SEMA3A: variants seen among roughly 807,000 people sequenced by gnomAD.
The protein encoded by SEMA3A is semaphorin-3A.
SEMA3A carries 29 observed loss-of-function variants against 97.9 expected under a neutral mutation model. The ratio of observed to expected loss-of-function variants is 0.30; its 90% CI spans 0.22 to 0.40. SEMA3A has a LOEUF of 0.40. Ranked by LOEUF, SEMA3A falls within the 10% of genes least tolerant of loss-of-function variation. SEMA3A has a pLI of 1.00. For missense variants in SEMA3A, 763 were observed against 951.3 expected (o/e 0.80, Z 2.60); for synonymous variants, 321 against 323.7 (o/e 0.99, Z 0.09).
chr7:84,009,917 A>AAC (rs1554393287), intron 9 of SEMA3A, among the ~76,000 whole-genome samples: 8 of 149,428 alleles, frequency 5.4e-5, no homozygotes, highest in African/African-American at 1.3e-4. Context: ...AAAAAAAAAA[A>AAC]AAAAAAAAAA....
intron 3 of SEMA3A, among the ~76,000 whole-genome samples, chr7:84,119,206 T>C (rs751618925): frequency 6.6e-6 from 1 of 152,178 alleles, no homozygotes. Context: ...ACATATGGAA[T>C]AAACACATGC....
intron 1 of SEMA3A, among the ~76,000 whole-genome samples, chr7:84,441,050 G>A (rs1805260573): frequency 6.6e-6 from 1 of 151,886 alleles, no homozygotes; most frequent in South Asian, 2.1e-4. Flanking sequence ...CCCAGCTACT[G>A]GAGAGGCTGA....
intron 3 of SEMA3A, among the ~76,000 whole-genome samples, chr7:84,220,980 T>C (rs1427304417): frequency 6.6e-6 from 1 of 152,162 alleles, no homozygotes; most frequent in Non-Finnish European, 1.5e-5. Flanking sequence ...TCCCTAGCTA[T>C]CAAAATCTTG....
In SEMA3A at chr7:84,305,969, T is replaced by C. The variant is rs139585461; in HGVS notation, c.-83+1238A>G. ...ATTTATATATACATGTGTGTATATA[T>C]GTATGTATAAATGTACATGTATGTA... On this transcript the variant is annotated intron_variant, in intron 3 of 3. Transcript: ENST00000424555. Among the ~76,000 whole-genome samples, 123 of 151,780 alleles carry C rather than the reference T, an allele frequency of 8.1e-4. 2 individuals carry two copies. In the East Asian group the frequency reaches 0.022, roughly 27 times the overall value.
At chr7:84,336,086 A>G (rs1408079070) in intron 2 of SEMA3A, among the ~76,000 whole-genome samples, 1 of 152,162 alleles carries the variant, frequency 6.6e-6, no homozygotes, top group Non-Finnish European at 1.5e-5. Context: ...ATCTTCTTTA[A>G]AAAATATCAG....
At chr7:84,380,437 T>A (rs1320023993) in intron 1 of SEMA3A, among the ~76,000 whole-genome samples, 1 of 152,186 alleles carries the variant, frequency 6.6e-6, no homozygotes, top group Non-Finnish European at 1.5e-5. Flanking sequence ...TGATATGGGT[T>A]ACAGGAAAAC....
intron 3 of SEMA3A, among the ~76,000 whole-genome samples, chr7:84,299,272 ATCTCCATATATATATC>A (rs1800942243): frequency 7.2e-6 from 1 of 139,076 alleles, no homozygotes; most frequent in African/African-American, 2.7e-5. Flanking sequence ...CCATATATAT[ATCTCCATATATATATC>A]TATCTCCATA....
chr7:84,435,030 A>C (rs1036504009), intron 1 of SEMA3A, among the ~76,000 whole-genome samples: 1 of 152,164 alleles, frequency 6.6e-6, no homozygotes, highest in African/African-American at 2.4e-5. Flanking sequence ...AGACAAATAA[A>C]TAAAAGGCAT....
chr7:84,203,598 C>T (rs1196793606), intron 3 of SEMA3A, among the ~76,000 whole-genome samples: 5 of 135,742 alleles, frequency 3.7e-5, no homozygotes, highest in Admixed American at 7.9e-5. Context: ...ATGACACAAT[C>T]TCGGCTCACT....
At chr7:84,219,880 G>T (rs375651095) in intron 3 of SEMA3A, among the ~76,000 whole-genome samples, 2 of 152,232 alleles carry the variant, frequency 1.3e-5, no homozygotes, top group Admixed American at 6.5e-5. Context: ...CTGGTGAAGG[G>T]TCTTGACTTA....
At chr7:84,162,478 CAA>C (rs1333055707) in intron 1 of SEMA3A, among the ~76,000 whole-genome samples, 3 of 151,662 alleles carry the variant, frequency 2.0e-5, no homozygotes, top group East Asian at 2.0e-4. Context: ...AAGGGAGAGA[CAA>C]GAGAGAGAAA....
intron 6 of SEMA3A, among the ~76,000 whole-genome samples, chr7:84,020,758 A>G (rs1791298850): frequency 6.6e-6 from 1 of 152,106 alleles, no homozygotes; most frequent in African/African-American, 2.4e-5. Context: ...TTGTTTTATA[A>G]TCTTAATGTT....
chr7:84,203,522 A>ATTTT (rs1266870104), intron 3 of SEMA3A, among the ~76,000 whole-genome samples: 175 of 43,598 alleles, frequency 4.0e-3, no homozygotes, highest in African/African-American at 9.9e-3. Context: ...ATATATATAT[A>ATTTT]TATATTTTTT....
chr7:84,066,308 A>G (rs955712167), intron 4 of SEMA3A, among the ~76,000 whole-genome samples: 9 of 152,090 alleles, frequency 5.9e-5, no homozygotes, highest in Admixed American at 3.9e-4. Context: ...ACCCACATCC[A>G]ATATCATACT....
chr7:84,031,407 G>T (rs6967357), intron 6 of SEMA3A, among the ~76,000 whole-genome samples: 104,569 of 151,564 alleles, frequency 0.69, 36,237 homozygotes, highest in Middle Eastern at 0.77. Context: ...ATAATTTTCT[G>T]GCCAAAAAAT....
At position 84,320,658 on chromosome 7, in the gene SEMA3A, T is replaced by TA. The variant is rs753247727; in HGVS notation, c.-168-13367_-168-13366insT. On this transcript the variant is annotated intron_variant, in intron 2 of 3. Coordinates refer to the SEMA3A transcript ENST00000424555. ...TTTAGTGTACTTGAGAAATAAATTA[T>TA]TTTTTTTTTCTGCACATGGGTTTAT... Among the ~76,000 whole-genome samples the TA allele has an allele frequency of 6.4e-4, 65 of 101,584 alleles. No individual in the cohort carries two copies. The East Asian group carries it at 0.01, about 16-fold the overall frequency. 66.6% of individuals were successfully genotyped at this position (101,584 alleles called of 152,430 possible). A position where few individuals can be genotyped will look rare whatever the true frequency, so the allele number is the denominator to read the frequency against.
intron 4 of SEMA3A, among the ~76,000 whole-genome samples, chr7:84,085,258 C>T (rs1794295176): frequency 2.0e-5 from 3 of 149,760 alleles, no homozygotes; most frequent in African/African-American, 7.4e-5. Flanking sequence ...TTTCTAACTG[C>T]ATCAATGGAC....
intron 3 of SEMA3A, among the ~76,000 whole-genome samples, chr7:84,231,367 T>C (rs989978526): frequency 6.6e-6 from 1 of 151,926 alleles, no homozygotes. Context: ...CTCATAGTTG[T>C]CTAGCATGTA....
intron 1 of SEMA3A, among the ~76,000 whole-genome samples, chr7:84,484,969 G>C (rs1806538906): frequency 6.6e-6 from 1 of 152,060 alleles, no homozygotes; most frequent in African/African-American, 2.4e-5. Flanking sequence ...TTTTATAATT[G>C]GATTAGTCAT....
Sources: gnomAD v4.1 joint callset for allele counts (sites outside exome capture counted in the v4.1 genomes callset) on GRCh38, gnomAD v4.1.1 for gene constraint, MANE v1.5 for transcripts, NCBI Gene and HGNC (gene_info 2026-07-23, HGNC 2026-07-21) for gene names.